SOX6: variants seen among roughly 807,000 people sequenced by gnomAD.
SOX6 encodes the protein transcription factor SOX-6.
In SOX6, 11 loss-of-function variants were observed where a neutral mutation model predicts 97.8. That is an observed-to-expected ratio of 0.11 (90% CI 0.07 to 0.19). The LOEUF is 0.19. SOX6 is among the 10% of genes least tolerant of loss of function. The pLI is 1.00. For missense variants in SOX6, 810 were observed against 1,039.5 expected (o/e 0.78, Z 3.04); for synonymous variants, 360 against 371.4 (o/e 0.97, Z 0.35).
At chr11:16,436,539 A>G (rs1402556374) in intron 1 of SOX6, among the ~76,000 whole-genome samples, 3 of 152,142 alleles carry the variant, frequency 2.0e-5, no homozygotes, top group African/African-American at 7.2e-5. Flanking sequence ...ACACAATGTA[A>G]TTTTGTAGTT....
At chr11:16,701,700 C>CA (rs1362504560) in intron 3 of SOX6, among the ~76,000 whole-genome samples, 1 of 147,222 alleles carries the variant, frequency 6.8e-6, no homozygotes, top group Non-Finnish European at 1.5e-5. Context: ...ACTAAAAATA[C>CA]AAAAAATTAG....
At chr11:16,304,703 A>G (rs1337219458) in intron 3 of SOX6, among the ~76,000 whole-genome samples, 1 of 152,054 alleles carries the variant, frequency 6.6e-6, no homozygotes, top group African/African-American at 2.4e-5. Context: ...GACCTTGTTG[A>G]CTCATTAGTT....
At chr11:16,677,458 T>A (rs1388924070) in intron 3 of SOX6, among the ~76,000 whole-genome samples, 1 of 152,244 alleles carries the variant, frequency 6.6e-6, no homozygotes, top group Non-Finnish European at 1.5e-5. Flanking sequence ...TGCCAGTTTT[T>A]GTGGAGGGAT....
chr11:16,500,900 ATT>A (rs1340417496), intron 4 of SOX6, among the ~76,000 whole-genome samples: 1 of 152,162 alleles, frequency 6.6e-6, no homozygotes, highest in Non-Finnish European at 1.5e-5. Context: ...TAATTTATAG[ATT>A]CAATGCTATC....
intron 4 of SOX6, among the ~76,000 whole-genome samples, chr11:16,581,960 CAAAAAAA>C (rs35137027): frequency 9.4e-6 from 1 of 106,500 alleles, no homozygotes; most frequent in Admixed American, 1.0e-4. Flanking sequence ...GACTCCATCT[CAAAAAAA>C]AAAAAAAAAA....
chr11:16,053,211 T>C (rs1265638901), intron 10 of SOX6, among the ~76,000 whole-genome samples: 2 of 152,196 alleles, frequency 1.3e-5, no homozygotes, highest in Non-Finnish European at 2.9e-5. Context: ...CCTGCCTCAC[T>C]TGTTTCTCTT....
chr11:16,237,464 C>T (rs1434925983), intron 3 of SOX6, among the ~76,000 whole-genome samples: 1 of 151,980 alleles, frequency 6.6e-6, no homozygotes, highest in Non-Finnish European at 1.5e-5. Context: ...AGTAAGGATC[C>T]ATTCCCTTTG....
chr11:16,005,828 T>C (rs1049139943), intron 13 of SOX6, among the ~76,000 whole-genome samples: 30 of 152,086 alleles, frequency 2.0e-4, no homozygotes, highest in African/African-American at 7.2e-4. Flanking sequence ...TTACATGCCA[T>C]AGCCTATTCC....
chr11:16,043,604 G>C (rs1288338544), intron 12 of SOX6, among the ~76,000 whole-genome samples: 1 of 152,116 alleles, frequency 6.6e-6, no homozygotes, highest in Non-Finnish European at 1.5e-5. Flanking sequence ...GTACTGTAAA[G>C]ACATAAGCAT....
chr11:16,113,358 A>G (rs1165718316), intron 6 of SOX6, among the ~76,000 whole-genome samples: 1 of 152,244 alleles, frequency 6.6e-6, no homozygotes, highest in Non-Finnish European at 1.5e-5. Context: ...CATGAAAGAA[A>G]CTAGCTTTGA....
At chr11:16,706,342 GGAGGCT>G (rs1287637139) in intron 3 of SOX6, among the ~76,000 whole-genome samples, 5 of 147,378 alleles carry the variant, frequency 3.4e-5, no homozygotes. Context: ...CAGCTACTCA[GGAGGCT>G]GAGGCTGGAG....
intron 4 of SOX6, among the ~76,000 whole-genome samples, chr11:16,578,432 A>G (rs1848003515): frequency 6.6e-6 from 1 of 152,064 alleles, no homozygotes; most frequent in Non-Finnish European, 1.5e-5. Flanking sequence ...GTTGCTGACT[A>G]TTACTGGCCA....
At chr11:16,166,639 AT>A (rs1850894083) in intron 6 of SOX6, among the ~76,000 whole-genome samples, 1 of 152,172 alleles carries the variant, frequency 6.6e-6, no homozygotes. Flanking sequence ...AGTATGTGCT[AT>A]TTAAAAGGCC....
At chr11:16,236,623 T>C (rs544259308) in intron 3 of SOX6, among the ~76,000 whole-genome samples, 1 of 152,140 alleles carries the variant, frequency 6.6e-6, no homozygotes, top group East Asian at 1.9e-4. Flanking sequence ...GCATATAGTA[T>C]AGTAGTCAAA....
intron 2 of SOX6, among the ~76,000 whole-genome samples, chr11:16,716,921 G>C (rs947694091): frequency 1.3e-5 from 2 of 152,150 alleles, no homozygotes; most frequent in South Asian, 2.1e-4. Context: ...GGGAAGGAAG[G>C]AAGGAGTCAG....
chr11:16,288,410 G>A (rs1367312532), intron 3 of SOX6, among the ~76,000 whole-genome samples: 2 of 151,884 alleles, frequency 1.3e-5, no homozygotes, highest in Admixed American at 6.6e-5. Flanking sequence ...TAATAGGATG[G>A]TTTGTGGGCT....
intron 8 of SOX6, among the ~76,000 whole-genome samples, chr11:16,097,391 A>G (rs1007533311): frequency 3.3e-5 from 5 of 151,922 alleles, no homozygotes; most frequent in African/African-American, 9.7e-5. Context: ...TAGAGAATAC[A>G]TAGTATTAAG....
intron 1 of SOX6, among the ~76,000 whole-genome samples, chr11:16,399,089 C>T (rs889146893): frequency 3.3e-5 from 5 of 151,202 alleles, no homozygotes; most frequent in African/African-American, 9.7e-5. Flanking sequence ...CCTAGATTTA[C>T]GATCTAGACT....
chr11:15,985,678 T>C (rs1853810857), intron 15 of SOX6, among the ~76,000 whole-genome samples: 2 of 152,050 alleles, frequency 1.3e-5, no homozygotes, highest in Admixed American at 6.6e-5. Flanking sequence ...AGCAAGAAAA[T>C]ACACATTGTT....
Sources: gnomAD v4.1 joint callset for allele counts (sites outside exome capture counted in the v4.1 genomes callset) on GRCh38, gnomAD v4.1.1 for gene constraint, MANE v1.5 for transcripts, NCBI Gene and HGNC (gene_info 2026-07-23, HGNC 2026-07-21) for gene names.